The following TPRX1 variants were observed in gnomAD, a reference collection of about 807,000 sequenced individuals.
TPRX1 encodes tetra-peptide repeat homeobox protein 1.
A neutral mutation model predicts 8.1 loss-of-function variants in TPRX1; 2 were observed. The ratio of observed to expected loss-of-function variants is 0.25; its 90% confidence interval spans 0.10 to 0.78. The LOEUF (loss-of-function observed/expected upper bound fraction) is 0.78. Among genes scored for constraint, TPRX1 ranks in the 30% least tolerant of loss-of-function variants. The pLI is 0.70. For missense variants in TPRX1, 517 were observed against 586.9 expected (o/e 0.88, Z 1.23); for synonymous variants, 257 against 254.1 (o/e 1.01, Z -0.11).
chr19:47,803,199 G>A (rs1967699533), intron 3 of TPRX1, among the ~76,000 whole-genome samples: 1 of 151,760 alleles, frequency 6.6e-6, no homozygotes, highest in Non-Finnish European at 1.5e-5. Context: ...GGAGGAGCGG[G>A]GTCTGCCGCC....
rs1568617282 is a variant in TPRX1 at position 47,815,117 on chromosome 19, T to TATATATATATATATATATATATGCAA, written c.151+3350_151+3351insTTGCATATATATATATATATATATAT. On this transcript the variant is annotated intron_variant, in intron 2 of 3. Coordinates refer to ENST00000535759, the Ensembl canonical transcript of TPRX1. ...CTTAGCTCAATAAATAGATAAATTA[T>TATATATATATATATATATATATGCAA]ATATATATATATATATATATATATA... Among the ~76,000 whole-genome samples, 62 of 70,880 alleles carry TATATATATATATATATATATATGCAA rather than the reference T, an allele frequency of 8.7e-4. 1 individual carries two copies. The highest frequency in any genetic ancestry group is 1.5e-3 in the African/African-American group (23 of 15,602). The allele number at this position is 70,880 out of a possible 152,430, so 46.5% of individuals were successfully genotyped here.
chr19:47,818,367 T>TCATC (rs1555800349), intron 2 of TPRX1: 7,867 of 300,290 alleles, frequency 0.026, 617 homozygotes, highest in African/African-American at 0.094. Context: ...CATCCATCCA[T>TCATC]CATCCATCAC....
intron 2 of TPRX1, among the ~76,000 whole-genome samples, chr19:47,809,815 G>A (rs1967766475): frequency 5.3e-5 from 8 of 152,070 alleles, no homozygotes; most frequent in Admixed American, 5.2e-4. Flanking sequence ...GGGTTGGATG[G>A]AATTTCTGGA....
At chr19:47,807,622 C>T (rs548061285) in intron 2 of TPRX1, among the ~76,000 whole-genome samples, 1 of 152,344 alleles carries the variant, frequency 6.6e-6, no homozygotes, top group South Asian at 2.1e-4. Context: ...ATTCGCTCTC[C>T]TTAGCTTCTC....
chr19:47,803,289 G>C (rs1419137161), intron 3 of TPRX1, among the ~76,000 whole-genome samples: 1 of 151,846 alleles, frequency 6.6e-6, no homozygotes, highest in Non-Finnish European at 1.5e-5. Flanking sequence ...GGCACCGGGA[G>C]ACCCCGTGGG....
intron 2 of TPRX1, among the ~76,000 whole-genome samples, chr19:47,812,162 C>G (rs970205916): frequency 6.6e-6 from 1 of 152,020 alleles, no homozygotes; most frequent in Non-Finnish European, 1.5e-5. Context: ...CACCCGTGCC[C>G]GGCCTGAGAA....
At chr19:47,818,250 T>TCCATCCATCCATCCATCCATCCATCAC (rs1967863362) in intron 2 of TPRX1, among the ~76,000 whole-genome samples, 2 of 100,698 alleles carry the variant, frequency 2.0e-5, no homozygotes, top group Non-Finnish European at 4.3e-5. Context: ...CCATCACCCA[T>TCCATCCATCCATCCATCCATCCATCAC]CCATCCATCC....
intron 2 of TPRX1, among the ~76,000 whole-genome samples, chr19:47,806,413 G>C (rs1427631607): frequency 6.6e-6 from 1 of 151,912 alleles, no homozygotes; most frequent in African/African-American, 2.4e-5. Flanking sequence ...CCAGCTACTT[G>C]TTAGGCTGAG....
chr19:47,808,644 T>TG (rs1245860592), intron 2 of TPRX1, among the ~76,000 whole-genome samples: 2 of 149,524 alleles, frequency 1.3e-5, no homozygotes, highest in East Asian at 2.0e-4. Flanking sequence ...TTAGTAGAGA[T>TG]GGGGTTTCAC....
At chr19:47,813,167 C>G (rs1177559707) in intron 2 of TPRX1, among the ~76,000 whole-genome samples, 5 of 108,434 alleles carry the variant, frequency 4.6e-5, no homozygotes, top group Admixed American at 1.9e-4. Flanking sequence ...ACCCCCCCCA[C>G]CCCGCCAAAA....
chr19:47,802,471 T>G, exon 4 of TPRX1: 1 of 1,541,274 alleles, frequency 6.5e-7, no homozygotes, highest in Non-Finnish European at 8.8e-7. Flanking sequence ...GGTTTGGGCC[T>G]GGGATCGGGC....
chr19:47,817,106 T>C (rs2123722225), intron 2 of TPRX1, among the ~76,000 whole-genome samples: 1 of 152,276 alleles, frequency 6.6e-6, no homozygotes, highest in Non-Finnish European at 1.5e-5. Context: ...ACCTGAGCAG[T>C]TGTTCTCACA....
chr19:47,816,126 G>A (rs1050703853), intron 2 of TPRX1, among the ~76,000 whole-genome samples: 1 of 149,494 alleles, frequency 6.7e-6, no homozygotes, highest in Non-Finnish European at 1.5e-5. Context: ...ATGCAGTGGT[G>A]TGGTGAGTCT....
rs758157024 is a variant in TPRX1 at position 47,802,809 on chromosome 19, GT to G, written c.492del (p.Glu164AspfsTer26). The G allele has an allele frequency of 4.4e-5, 71 of 1,601,568 alleles. No individual in the cohort carries two copies. The highest frequency in any genetic ancestry group is 5.9e-5 in the Non-Finnish European group (69 of 1,174,022). ...GCCTGGTGGAGGCTGCAGATCGTGG[GT>G]TCCGCCGCTGGAAGGATTCCCGAGG... On this transcript the variant is annotated frameshift_variant, in exon 4 of 4. Transcript: ENST00000535759. LOFTEE classifies it low-confidence loss of function (END_TRUNC).
chr19:47,817,698 G>A (rs1967856762), intron 2 of TPRX1, among the ~76,000 whole-genome samples: 1 of 152,036 alleles, frequency 6.6e-6, no homozygotes, highest in African/African-American at 2.4e-5. Context: ...GGATTCCCAG[G>A]GCTCATTGTG....
intron 2 of TPRX1, among the ~76,000 whole-genome samples, chr19:47,815,125 T>TGCAA (rs1343996309): frequency 5.1e-5 from 5 of 97,430 alleles, no homozygotes; most frequent in African/African-American, 1.2e-4. Flanking sequence ...TATATATATA[T>TGCAA]ATATATATAT....
intron 2 of TPRX1, among the ~76,000 whole-genome samples, chr19:47,814,037 T>A (rs1967809541): frequency 6.7e-6 from 1 of 149,076 alleles, no homozygotes; most frequent in Admixed American, 6.8e-5. Context: ...ATTTAAGGGG[T>A]TAGAAGGGTG....
intron 2 of TPRX1, among the ~76,000 whole-genome samples, chr19:47,807,892 A>T (rs1967748747): frequency 6.6e-6 from 1 of 151,908 alleles, no homozygotes; most frequent in Non-Finnish European, 1.5e-5. Flanking sequence ...TGACTCTGTG[A>T]CATCTATTAA....
At chr19:47,809,580 G>T (rs1967764395) in intron 2 of TPRX1, among the ~76,000 whole-genome samples, 1 of 152,104 alleles carries the variant, frequency 6.6e-6, no homozygotes, top group South Asian at 2.1e-4. Context: ...CAATATATTT[G>T]AATGAACAAT....
Sources: allele counts gnomAD v4.1 joint callset (sites outside exome capture counted in the v4.1 genomes callset), GRCh38; gene constraint gnomAD v4.1.1; transcripts MANE v1.5; gene names NCBI Gene and HGNC (gene_info 2026-07-23, HGNC 2026-07-21).